Variants in MARCHF4 observed in about 807,000 individuals in gnomAD.
MARCHF4 encodes E3 ubiquitin-protein ligase MARCHF4.
In MARCHF4, 14 loss-of-function variants were observed where a neutral mutation model predicts 43.9. The observed-to-expected ratio is 0.32, with a 90% CI of 0.21 to 0.50. The LOEUF is 0.50. Ranked by LOEUF, MARCHF4 falls within the 20% of genes least tolerant of loss-of-function variation. MARCHF4 has a pLI of 0.98. For synonymous variants in MARCHF4, 226 were observed against 213.3 expected (o/e 1.06, Z -0.52); for missense variants, 468 against 536.7 (o/e 0.87, Z 1.27).
At chr2:216,331,810 T>C (rs568539751) in intron 1 of MARCHF4, among the ~76,000 whole-genome samples, 1 of 152,204 alleles carries the variant, frequency 6.6e-6, no homozygotes, top group Non-Finnish European at 1.5e-5. Context: ...GAACTCAGAC[T>C]AAAAGAGAAT....
At chr2:216,310,931 G>C (rs1691675491) in intron 1 of MARCHF4, among the ~76,000 whole-genome samples, 1 of 152,120 alleles carries the variant, frequency 6.6e-6, no homozygotes, top group East Asian at 1.9e-4. Context: ...CATCACAAGT[G>C]ATGGGAAGGA....
At chr2:216,262,828 A>G (rs1173879507) in intron 3 of MARCHF4, among the ~76,000 whole-genome samples, 1 of 152,242 alleles carries the variant, frequency 6.6e-6, no homozygotes, top group Non-Finnish European at 1.5e-5. Flanking sequence ...CTTTTAAATT[A>G]ATATAATGCC....
chr2:216,338,110 C>G (rs1381907051), intron 1 of MARCHF4, among the ~76,000 whole-genome samples: 1 of 152,148 alleles, frequency 6.6e-6, no homozygotes, highest in Non-Finnish European at 1.5e-5. Context: ...TATGACCAGG[C>G]CCTGTGGTAT....
At chr2:216,352,696 C>T (rs894530545) in intron 1 of MARCHF4, among the ~76,000 whole-genome samples, 4 of 152,128 alleles carry the variant, frequency 2.6e-5, no homozygotes, top group Non-Finnish European at 4.4e-5. Context: ...CGACCTGGAG[C>T]GTGTTCCACT....
At chr2:216,309,395 C>T (rs1398359059) in intron 1 of MARCHF4, among the ~76,000 whole-genome samples, 8 of 152,184 alleles carry the variant, frequency 5.3e-5, no homozygotes, top group Middle Eastern at 3.2e-3. Context: ...AACACAGGCA[C>T]GATCTCCCTA....
At chr2:216,278,674 C>T (rs1009827729) in intron 2 of MARCHF4, among the ~76,000 whole-genome samples, 1 of 152,062 alleles carries the variant, frequency 6.6e-6, no homozygotes, top group Non-Finnish European at 1.5e-5. Flanking sequence ...TAGAGATTAC[C>T]AGTTCACTAG....
intron 2 of MARCHF4, among the ~76,000 whole-genome samples, chr2:216,278,680 A>G (rs1327334633): frequency 2.6e-5 from 4 of 152,164 alleles, no homozygotes; most frequent in Admixed American, 6.5e-5. Flanking sequence ...TTACCAGTTC[A>G]CTAGACGAGA....
At chr2:216,312,843 T>C (rs1031654359) in intron 1 of MARCHF4, among the ~76,000 whole-genome samples, 1 of 152,216 alleles carries the variant, frequency 6.6e-6, no homozygotes, top group Non-Finnish European at 1.5e-5. Context: ...CTGTTTGCTC[T>C]GTTGATTATT....
At chr2:216,287,877 G>A (rs1691242397) in intron 1 of MARCHF4, among the ~76,000 whole-genome samples, 1 of 151,790 alleles carries the variant, frequency 6.6e-6, no homozygotes, top group South Asian at 2.1e-4. Context: ...TGCAAATTTA[G>A]CCAAGTCTCT....
rs1198486946 is a variant in MARCHF4 at position 216,346,333 on chromosome 2, A to C, written c.516+23412T>G. On this transcript the variant is annotated intron_variant, in intron 1 of 3. Transcript: ENST00000273067. ...TGGTACCCACCACCCCCTCATGAAC[A>C]CACATAGCTAGGAACTTGGGTGTTT... 5.3e-5 allele frequency among the ~76,000 whole-genome samples: 8 copies of C among 150,612 alleles called. No homozygotes were observed. The East Asian group carries it at 1.6e-3, about 29-fold the overall frequency.
intron 1 of MARCHF4, among the ~76,000 whole-genome samples, chr2:216,343,103 G>A (rs1408654484): frequency 6.6e-6 from 1 of 152,164 alleles, no homozygotes; most frequent in Non-Finnish European, 1.5e-5. Flanking sequence ...CCAAGTTGAG[G>A]GATTCTTAAA....
chr2:216,297,828 C>A (rs559897936), intron 1 of MARCHF4, among the ~76,000 whole-genome samples: 12 of 152,258 alleles, frequency 7.9e-5, no homozygotes, highest in Non-Finnish European at 1.6e-4. Context: ...AGCCATTCAG[C>A]GGCATTGGTT....
intron 1 of MARCHF4, among the ~76,000 whole-genome samples, chr2:216,311,423 A>G (rs1337762791): frequency 6.6e-6 from 1 of 151,982 alleles, no homozygotes; most frequent in Non-Finnish European, 1.5e-5. Context: ...ACACCTGGTT[A>G]ATTTTTGTGT....
chr2:216,337,781 A>G (rs938932260), intron 1 of MARCHF4, among the ~76,000 whole-genome samples: 1 of 152,134 alleles, frequency 6.6e-6, no homozygotes, highest in Non-Finnish European at 1.5e-5. Flanking sequence ...TACCCCACGA[A>G]CTACAGCATT....
At chr2:216,306,922 C>A (rs1477679296) in intron 1 of MARCHF4, among the ~76,000 whole-genome samples, 1 of 152,004 alleles carries the variant, frequency 6.6e-6, no homozygotes, top group Non-Finnish European at 1.5e-5. Flanking sequence ...GCTGTACATG[C>A]ATCTCATAAC....
chr2:216,277,005 C>T (rs207826), intron 3 of MARCHF4, among the ~76,000 whole-genome samples: 38,614 of 151,830 alleles, frequency 0.25, 6,097 homozygotes, highest in Non-Finnish European at 0.37. Context: ...ACCTTTTAAA[C>T]GAAACCTTAT....
chr2:216,339,648 GT>G (rs1692208572), intron 1 of MARCHF4, among the ~76,000 whole-genome samples: 1 of 152,196 alleles, frequency 6.6e-6, no homozygotes, highest in African/African-American at 2.4e-5. Context: ...GAGTCTGGCA[GT>G]TTTACAATCC....
intron 1 of MARCHF4, among the ~76,000 whole-genome samples, chr2:216,327,353 C>G (rs967248551): frequency 1.3e-5 from 2 of 151,928 alleles, no homozygotes; most frequent in Non-Finnish European, 2.9e-5. Context: ...CTTCACCCCC[C>G]CACCACCAGC....
At chr2:216,268,317 G>C (rs568940303) in intron 3 of MARCHF4, among the ~76,000 whole-genome samples, 4 of 152,182 alleles carry the variant, frequency 2.6e-5, no homozygotes, top group Admixed American at 6.5e-5. Context: ...ATTAGTAGCC[G>C]ATATGGTTTG....
Sources: allele counts gnomAD v4.1 joint callset (sites outside exome capture counted in the v4.1 genomes callset), GRCh38; gene constraint gnomAD v4.1.1; transcripts MANE v1.5; gene names NCBI Gene and HGNC (gene_info 2026-07-23, HGNC 2026-07-21).